Variants in INPP5F observed in about 807,000 individuals in gnomAD.
The protein encoded by INPP5F is inositol polyphosphate-5-phosphatase F.
Under a neutral mutation model 137.2 loss-of-function variants are expected in INPP5F, and 97 were observed. The observed-to-expected ratio is 0.71, with a 90% confidence interval of 0.60 to 0.84. The LOEUF (loss-of-function observed/expected upper bound fraction) is 0.84, where lower values mean the gene tolerates loss of function less well. Among genes scored for constraint, INPP5F ranks in the 40% least tolerant of loss-of-function variants. The pLI, the probability that INPP5F is intolerant of heterozygous loss-of-function variation, is 0.00. For missense variants in INPP5F, 1,271 were observed against 1,371.9 expected (o/e 0.93, Z 1.16); for synonymous variants, 504 against 476.9 (o/e 1.06, Z -0.74).
chr10:119,779,034 C>T (rs183249673), intron 2 of INPP5F, among the ~76,000 whole-genome samples: 2 of 152,274 alleles, frequency 1.3e-5, no homozygotes, highest in African/African-American at 2.4e-5. Flanking sequence ...CTCTGTACCC[C>T]GTTTCCACCT....
chr10:119,807,249 G>T (rs976395440), intron 12 of INPP5F, among the ~76,000 whole-genome samples: 8 of 151,840 alleles, frequency 5.3e-5, no homozygotes, highest in African/African-American at 1.9e-4. Flanking sequence ...CTCTAGCTTG[G>T]GAGATAGAGT....
chr10:119,777,620 A>G (rs969216498), intron 2 of INPP5F, among the ~76,000 whole-genome samples: 16 of 152,226 alleles, frequency 1.1e-4, no homozygotes, highest in Non-Finnish European at 2.2e-4. Context: ...AACAAAATTT[A>G]TTGACATTGA....
At position 119,829,042 on chromosome 10, in the gene INPP5F, T is replaced by A. The variant is rs11554481; in HGVS notation, c.*1262T>A. On this transcript the variant is annotated 3_prime_UTR_variant, in exon 20 of 20. Transcript: ENST00000650623. ...GATTCTCAACTGAACATTATGTCGT[T>A]ACTTTGATAAGCATTCCACTTTTGT... 0.055 allele frequency: 8,357 copies of A among 152,718 alleles called. 420 individuals carry two copies. The highest frequency in any genetic ancestry group is 0.27 in the South Asian group (1,304 of 4,820). 9.5% of individuals were successfully genotyped at this position (152,718 alleles called of 1,614,324 possible). A position where few individuals can be genotyped will look rare whatever the true frequency, so the allele number is the denominator to read the frequency against.
At chr10:119,813,362 T>C (rs1260274412) in intron 15 of INPP5F, among the ~76,000 whole-genome samples, 1 of 152,270 alleles carries the variant, frequency 6.6e-6, no homozygotes, top group Non-Finnish European at 1.5e-5. Flanking sequence ...ATAAAAATAA[T>C]GAATAATGGT....
intron 2 of INPP5F, among the ~76,000 whole-genome samples, chr10:119,756,850 T>A (rs1848860737): frequency 8.1e-6 from 1 of 123,192 alleles, no homozygotes; most frequent in African/African-American, 3.1e-5. Context: ...CCTGCCCTTT[T>A]AGCAAGCTCT....
intron 15 of INPP5F, among the ~76,000 whole-genome samples, chr10:119,820,291 T>C (rs1300663141): frequency 6.6e-6 from 1 of 152,202 alleles, no homozygotes; most frequent in Non-Finnish European, 1.5e-5. Flanking sequence ...TAAGGAAGTG[T>C]TTGTTTATTG....
chr10:119,819,419 T>C lies in INPP5F; in HGVS notation c.1887-1427T>C, dbSNP rs527687997. The C allele has an allele frequency of 2.5e-4, 367 of 1,481,400 alleles. No individual in the cohort carries two copies. The Middle Eastern group carries it at 3.6e-3, about 14-fold the overall frequency. The allele number at this position is 1,481,400 out of a possible 1,614,324, so 91.8% of individuals were successfully genotyped here. A position where few individuals can be genotyped will look rare whatever the true frequency, so the allele number is the denominator to read the frequency against. On this transcript the variant is annotated intron_variant, in intron 15 of 19. Transcript: ENST00000650623. ...CATGTTTGGCTGATGTAAATATTAA[T>C]GCCAAAATAGGAGCTAGGATGAAAG...
Position 119,826,686 on chromosome 10 carries a change from T to C in INPP5F, c.2305T>C (p.Ser769Pro). ...TGGTATCAGGTCTCAAAACCAAGGT[T>C]CTTTGGCCCAGGGAAAGAATTTTTT... The part of the protein sequence containing the change: ...IIGIRSQNQG[S>P]LAQGKNFLMS... The change falls in exon 20 of 20, where the codon TCT (serine) becomes CCT (proline). Residue 769 changes from serine to proline, a missense_variant. Physicochemically the swap from Ser to Pro is moderately conservative, Grantham distance 74 (BLOSUM62 -1). Around this residue, in one of 6 missense-constraint regions of INPP5F, gnomAD observed 490 missense variants for 443.7 expected, o/e 1.10. Coordinates refer to ENST00000650623, the MANE Select transcript of INPP5F (RefSeq NM_014937.4). 6.2e-7 allele frequency: 1 copy of C among 1,611,486 alleles called. No individual in the cohort carries two copies. Among genetic ancestry groups the C allele is most frequent in the Non-Finnish European group, 8.5e-7 (1 of 1,179,430 alleles).
intron 1 of INPP5F, among the ~76,000 whole-genome samples, chr10:119,730,955 T>C (rs927036592): frequency 6.6e-6 from 1 of 151,906 alleles, no homozygotes; most frequent in African/African-American, 2.4e-5. Flanking sequence ...GCCCAGCTAA[T>C]TTTTTGTATT....
chr10:119,750,924 T>C (rs184523250), intron 1 of INPP5F, 152 bp from the exon 2 acceptor site: 1 of 630,900 alleles, frequency 1.6e-6, no homozygotes, highest in African/African-American at 1.8e-5. Context: ...TTTAATACTT[T>C]GTCACAAATT....
intron 2 of INPP5F, among the ~76,000 whole-genome samples, chr10:119,751,726 G>A (rs892971615): frequency 6.6e-6 from 1 of 152,166 alleles, no homozygotes; most frequent in South Asian, 2.1e-4. Flanking sequence ...TTATACAGGT[G>A]GGTCCCAAAA....
At chr10:119,755,909 G>A (rs1848826836) in intron 2 of INPP5F, among the ~76,000 whole-genome samples, 1 of 152,204 alleles carries the variant, frequency 6.6e-6, no homozygotes, top group South Asian at 2.1e-4. Flanking sequence ...TGTAATCCTA[G>A]CACTTTGGGA....
intron 3 of INPP5F, among the ~76,000 whole-genome samples, chr10:119,785,535 C>CGAGAGAGAGAGAGAGAGAGTGA (rs1849867428): frequency 1.1e-5 from 1 of 93,592 alleles, no homozygotes; most frequent in African/African-American, 3.9e-5. Flanking sequence ...GTGATCCGCT[C>CGAGAGAGAGAGAGAGAGAGTGA]GAGAGAGAGA....
intron 3 of INPP5F, among the ~76,000 whole-genome samples, chr10:119,783,135 G>T (rs1849764292): frequency 6.6e-6 from 1 of 152,160 alleles, no homozygotes. Context: ...AACCTAGGTG[G>T]CAATTAGGCC....
At chr10:119,757,483 A>T (rs941007666) in intron 2 of INPP5F, among the ~76,000 whole-genome samples, 1 of 152,086 alleles carries the variant, frequency 6.6e-6, no homozygotes, top group African/African-American at 2.4e-5. Flanking sequence ...TGTAGTATCC[A>T]GGAGGAAATA....
Position 119,796,794 on chromosome 10 carries a change from AATC to A in INPP5F, c.753_755del (p.Ser252del). ...GAAGAACTTGTGGTTAATTATACCGAATCATCTGATGATGAGAAAAGCAGCCCA... is the reference window on the plus strand; with the variant it reads ...GAAGAACTTGTGGTTAATTATACCGAATCTGATGATGAGAAAAGCAGCCCA... On this transcript the variant is annotated inframe_deletion, in exon 7 of 20. Coordinates refer to ENST00000650623, the MANE Select transcript of INPP5F (RefSeq NM_014937.4). 1 of 1,613,428 alleles carries A rather than the reference AATC, an allele frequency of 6.2e-7. No individual in the cohort carries two copies. The highest frequency in any genetic ancestry group is 2.2e-5 in the East Asian group (1 of 44,876).
chr10:119,755,885 T>C (rs576157689), intron 2 of INPP5F, among the ~76,000 whole-genome samples: 1 of 152,322 alleles, frequency 6.6e-6, no homozygotes, highest in South Asian at 2.1e-4. Flanking sequence ...CAGCCAGGCG[T>C]GGTGGCTCAC....
chr10:119,778,797 A>G (rs1378453336), intron 2 of INPP5F, among the ~76,000 whole-genome samples: 1 of 152,108 alleles, frequency 6.6e-6, no homozygotes, highest in East Asian at 1.9e-4. Flanking sequence ...TTTCTTCTCT[A>G]TCTCCTACAG....
chr10:119,796,452 T>A (rs1688828133), intron 6 of INPP5F, among the ~76,000 whole-genome samples: 1 of 152,150 alleles, frequency 6.6e-6, no homozygotes, highest in African/African-American at 2.4e-5. Flanking sequence ...CAAGGGTGAC[T>A]CCCCTCAGTG....
Sources: allele counts gnomAD v4.1 joint callset (sites outside exome capture counted in the v4.1 genomes callset), GRCh38; gene constraint gnomAD v4.1.1; regional missense constraint gnomAD v4.1.1; transcripts MANE v1.5; gene names NCBI Gene and HGNC (gene_info 2026-07-23, HGNC 2026-07-21).